The following MAP3K2 variants were observed in gnomAD, a reference collection of about 807,000 sequenced individuals.
The protein encoded by MAP3K2 is MAP/ERK kinase kinase 2.
MAP3K2 carries 24 observed loss-of-function variants against 80.3 expected under a neutral mutation model. The observed-to-expected ratio is 0.30, with a 90% CI of 0.22 to 0.42. The LOEUF is 0.42. MAP3K2 is among the 10% of genes least tolerant of loss of function. The probability of loss-of-function intolerance (pLI) is 1.00; values close to 1 mark genes in which losing one functional copy is unlikely to be tolerated. For missense variants in MAP3K2, 608 were observed against 750.1 expected, an observed-to-expected ratio of 0.81 and a Z score of 2.21; for synonymous variants, 244 against 253.7, an observed-to-expected ratio of 0.96 and a Z score of 0.36.
chr2:127,350,330 T>C (rs1686668554), intron 1 of MAP3K2, among the ~76,000 whole-genome samples: 1 of 151,158 alleles, frequency 6.6e-6, no homozygotes, highest in African/African-American at 2.4e-5. Flanking sequence ...ACAATGAAGT[T>C]AGGCCCAATA....
chr2:127,323,394 C>G (rs1686065890), intron 11 of MAP3K2, among the ~76,000 whole-genome samples: 1 of 150,066 alleles, frequency 6.7e-6, no homozygotes, highest in South Asian at 2.1e-4. Context: ...AAGAAAATTA[C>G]TCCTTCTTGG....
At chr2:127,376,709 G>A (rs1251392083) in intron 1 of MAP3K2, among the ~76,000 whole-genome samples, 1 of 152,122 alleles carries the variant, frequency 6.6e-6, no homozygotes, top group African/African-American at 2.4e-5. Flanking sequence ...GTTGTTTTAA[G>A]CCACTGAGAT....
chr2:127,373,328 A>C (rs1687097656), intron 1 of MAP3K2, among the ~76,000 whole-genome samples: 1 of 152,290 alleles, frequency 6.6e-6, no homozygotes, highest in Non-Finnish European at 1.5e-5. Flanking sequence ...GCACCTGAAA[A>C]AGTACAGATG....
Position 127,387,625 on chromosome 2 carries a change from G to C in MAP3K2, c.-239C>G. 9.1e-6 allele frequency: 9 copies of C among 984,998 alleles called. No individual in the cohort carries two copies. Among genetic ancestry groups the C allele is most frequent in the Non-Finnish European group, 1.1e-5 (9 of 829,770 alleles). 61.0% of individuals were successfully genotyped at this position (984,998 alleles called of 1,614,324 possible). ...AGTCGGGCGCGGGCCTTGGGGCCAG[G>C]CCCGTCCCTCTTTCACATGAAGCCC... is the stretch of plus-strand genomic sequence containing the variant. On this transcript the variant is annotated 5_prime_UTR_variant, in exon 1 of 17. Transcript: ENST00000682094.
At chr2:127,346,410 T>TA (rs70985447) in intron 1 of MAP3K2, among the ~76,000 whole-genome samples, 31 of 96,332 alleles carry the variant, frequency 3.2e-4, no homozygotes, top group African/African-American at 5.8e-4. Flanking sequence ...AAACTGGTTT[T>TA]AAAAAAAAAA....
chr2:127,386,890 C>T (rs964099511), intron 1 of MAP3K2, among the ~76,000 whole-genome samples: 6 of 152,112 alleles, frequency 3.9e-5, no homozygotes, highest in Non-Finnish European at 7.4e-5. Flanking sequence ...GGATTACTAC[C>T]TTCATGACCT....
rs965238402 is a variant in MAP3K2, at chr2:127,364,299, A to T, written c.-65-21105T>A. Among the ~76,000 whole-genome samples, 5 of 152,232 alleles carry T rather than the reference A, an allele frequency of 3.3e-5. No individual in the cohort carries two copies. Among genetic ancestry groups the T allele is most frequent in the African/African-American group, 1.2e-4 (5 of 41,458 alleles). On this transcript the variant is annotated intron_variant, in intron 1 of 16. Coordinates refer to ENST00000682094, the MANE Select transcript of MAP3K2 (RefSeq NM_001371910.2). The surrounding 1 kb of genome is among the most constrained non-coding windows in gnomAD (Gnocchi z 4.1). ...AAGCAAATAGATAATCAAAAAAAGC[A>T]AAGAGTAGGAGTCAATAGGTTCTGA...
chr2:127,362,731 T>G (rs1198622338), intron 1 of MAP3K2, among the ~76,000 whole-genome samples: 2 of 152,238 alleles, frequency 1.3e-5, no homozygotes, highest in Non-Finnish European at 2.9e-5. Context: ...CCACGGTTCC[T>G]CTGTAAAAAC....
chr2:127,377,417 T>TA (rs1199098079), intron 1 of MAP3K2, among the ~76,000 whole-genome samples: 1 of 151,864 alleles, frequency 6.6e-6, no homozygotes, highest in East Asian at 1.9e-4. Flanking sequence ...ACATTGGCCC[T>TA]AGCCCCAGAA....
intron 2 of MAP3K2, among the ~76,000 whole-genome samples, chr2:127,341,678 G>A (rs932759273): frequency 6.6e-6 from 1 of 151,218 alleles, no homozygotes; most frequent in Non-Finnish European, 1.5e-5. Context: ...GACTACAGGC[G>A]CACGCCACCA....
At chr2:127,334,698 C>T (rs1421891783) in intron 5 of MAP3K2, among the ~76,000 whole-genome samples, 1 of 152,154 alleles carries the variant, frequency 6.6e-6, no homozygotes, top group African/African-American at 2.4e-5. Context: ...CCTGCCTTGG[C>T]CTCCCCCGAT....
upstream of MAP3K2, chr2:127,387,990 G>A (rs1687406130): frequency 1.0e-6 from 1 of 984,050 alleles, no homozygotes; most frequent in Admixed American, 6.2e-5. Context: ...GGCGTAGCGC[G>A]GCGCACGTCA....
intron 8 of MAP3K2, among the ~76,000 whole-genome samples, chr2:127,326,454 A>G (rs965883118): frequency 1.1e-4 from 17 of 152,046 alleles, no homozygotes; most frequent in African/African-American, 4.1e-4. Context: ...TCATTCACTC[A>G]CTCTCATTCA....
rs1685570216 is a variant in MAP3K2, at chr2:127,300,484, A to G, written c.*7095T>C. ...CAAATTGATAATCATAGTTTGCAAC[A>G]ATTCAAAGTTTATTCTCAAATTTAT... On this transcript the variant is annotated 3_prime_UTR_variant, in exon 17 of 17. Transcript: ENST00000682094. 1 of 152,196 alleles carries G rather than the reference A, an allele frequency of 6.6e-6. No homozygotes were observed. The highest frequency in any genetic ancestry group is 2.4e-5 in the African/African-American group (1 of 41,462). 9.4% of individuals were successfully genotyped at this position (152,196 alleles called of 1,614,324 possible). A position where few individuals can be genotyped will look rare whatever the true frequency, so the allele number is the denominator to read the frequency against.
At chr2:127,327,213 C>T (rs1043998101) in intron 7 of MAP3K2, among the ~76,000 whole-genome samples, 1 of 152,154 alleles carries the variant, frequency 6.6e-6, no homozygotes, top group South Asian at 2.1e-4. Context: ...CAGTGTCTCA[C>T]CTTTCCTCAT....
In MAP3K2 at chr2:127,305,222, T is replaced by C. The variant is rs544643437; in HGVS notation, c.*2357A>G. The C allele has an allele frequency of 1.3e-5, 2 of 152,528 alleles. No individual in the cohort carries two copies. Among genetic ancestry groups the C allele is most frequent in the South Asian group, 4.2e-4 (2 of 4,816 alleles). 9.4% of individuals were successfully genotyped at this position (152,528 alleles called of 1,614,324 possible). On this transcript the variant is annotated 3_prime_UTR_variant, in exon 17 of 17. Transcript: ENST00000682094. ...AAAGCACAACTACACAAGACAGATA[T>C]GAAGGAAAAGCCCACTGGTCAAGGA... is the stretch of plus-strand genomic sequence containing the variant.
intron 15 of MAP3K2, among the ~76,000 whole-genome samples, chr2:127,311,854 T>C (rs1300915810): frequency 6.6e-6 from 1 of 152,226 alleles, no homozygotes; most frequent in African/African-American, 2.4e-5. Flanking sequence ...TGATAAATCT[T>C]CTAAGTCTTT....
At chr2:127,350,531 G>C (rs760442375) in intron 1 of MAP3K2, among the ~76,000 whole-genome samples, 6 of 150,850 alleles carry the variant, frequency 4.0e-5, no homozygotes, top group Admixed American at 2.6e-4. Flanking sequence ...AACAATGGGA[G>C]GAAGAGAAAG....
At chr2:127,371,272 C>T (rs565560582) in intron 1 of MAP3K2, among the ~76,000 whole-genome samples, 1 of 152,096 alleles carries the variant, frequency 6.6e-6, no homozygotes, top group East Asian at 1.9e-4. Context: ...CCAACCAGAA[C>T]GAGGTGGCCG....
Sources: allele counts gnomAD v4.1 joint callset (sites outside exome capture counted in the v4.1 genomes callset), GRCh38; gene constraint gnomAD v4.1.1; non-coding constraint Gnocchi (gnomAD v3.1); transcripts MANE v1.5; gene names NCBI Gene and HGNC (gene_info 2026-07-23, HGNC 2026-07-21).